The following CARM1 variants were observed in gnomAD, a reference collection of about 807,000 sequenced individuals.
CARM1 encodes histone-arginine methyltransferase CARM1.
In CARM1, 14 loss-of-function variants were observed where a neutral mutation model predicts 72.7. The ratio of observed to expected loss-of-function variants is 0.19; its 90% CI spans 0.13 to 0.30. The LOEUF (loss-of-function observed/expected upper bound fraction) is 0.30, where lower values mean the gene tolerates loss of function less well. Ranked by LOEUF, CARM1 falls within the 10% of genes least tolerant of loss-of-function variation. CARM1 has a pLI of 1.00. For synonymous variants in CARM1, 333 were observed against 345.5 expected, an observed-to-expected ratio of 0.96 and a Z score of 0.40; for missense variants, 432 against 833.7, an observed-to-expected ratio of 0.52 and a Z score of 5.93.
rs2073816827 is a variant in CARM1, at chr19:10,871,633, CGGCGGCAGCG to C, written c.-68_-59del. 10 of 156,316 alleles carry C rather than the reference CGGCGGCAGCG, an allele frequency of 6.4e-5. 2 individuals are homozygous for C. Among genetic ancestry groups the C allele is most frequent in the Non-Finnish European group, 9.4e-5 (10 of 106,386 alleles). 9.7% of individuals were successfully genotyped at this position (156,316 alleles called of 1,614,324 possible). A position where few individuals can be genotyped will look rare whatever the true frequency, so the allele number is the denominator to read the frequency against. On this transcript the variant is annotated 5_prime_UTR_variant, in exon 1 of 16. Coordinates refer to ENST00000327064, the MANE Select transcript of CARM1 (RefSeq NM_199141.2). This position sits in a 1 kb window ranked among gnomAD's most constrained non-coding sequence, Gnocchi z 5.6. ...GCGGCGGCGGCGGCGGCGGCGGCGG[CGGCGGCAGCG>C]GCGGCGGCCTGGGCCCGGGCGCAGC...
At chr19:10,913,495 G>A (rs896712931) in intron 5 of CARM1, among the ~76,000 whole-genome samples, 6 of 151,634 alleles carry the variant, frequency 4.0e-5, no homozygotes, top group African/African-American at 1.2e-4. Context: ...CCGAGATGGC[G>A]CCACTACCAC....
At chr19:10,895,447 A>G (rs1201026577) in intron 1 of CARM1, among the ~76,000 whole-genome samples, 1 of 152,234 alleles carries the variant, frequency 6.6e-6, no homozygotes, top group Non-Finnish European at 1.5e-5. Context: ...CCCCTGACCC[A>G]GGTCTAACGA....
chr19:10,885,081 A>G (rs2073931354), intron 1 of CARM1, among the ~76,000 whole-genome samples: 1 of 152,156 alleles, frequency 6.6e-6, no homozygotes, highest in African/African-American at 2.4e-5. Flanking sequence ...GCTTTTGACA[A>G]TTATGGACAC....
chr19:10,890,188 A>G (rs2073971190), intron 1 of CARM1, among the ~76,000 whole-genome samples: 1 of 151,852 alleles, frequency 6.6e-6, no homozygotes, highest in Non-Finnish European at 1.5e-5. Context: ...GGAGTTTGAG[A>G]CCAGCCTGGG....
At chr19:10,909,977 C>T (rs2074136172) in intron 4 of CARM1, among the ~76,000 whole-genome samples, 1 of 152,150 alleles carries the variant, frequency 6.6e-6, no homozygotes, top group Non-Finnish European at 1.5e-5. Context: ...TCTGTAATCC[C>T]AGCACTTTGG....
chr19:10,881,389 C>T (rs1482822296), intron 1 of CARM1, among the ~76,000 whole-genome samples: 1 of 152,172 alleles, frequency 6.6e-6, no homozygotes, highest in Non-Finnish European at 1.5e-5. Context: ...TGGAGGACAG[C>T]ACCTGATTGG....
At chr19:10,913,651 G>A (rs1433452725) in intron 5 of CARM1, among the ~76,000 whole-genome samples, 1 of 151,938 alleles carries the variant, frequency 6.6e-6, no homozygotes, top group Non-Finnish European at 1.5e-5. Context: ...CGCCTGCCTC[G>A]GCCTCCCAAA....
chr19:10,875,935 C>T (rs2073861235), intron 1 of CARM1, among the ~76,000 whole-genome samples: 2 of 149,364 alleles, frequency 1.3e-5, no homozygotes, highest in Non-Finnish European at 1.5e-5. Flanking sequence ...GGCGTGATCT[C>T]GGCTCACTGC....
chr19:10,920,895 A>T lies in CARM1; in HGVS notation c.1486A>T (p.Met496Leu), dbSNP rs776555035. 20 of 1,614,074 alleles carry T rather than the reference A, an allele frequency of 1.2e-5. No homozygotes were observed. Among genetic ancestry groups the T allele is most frequent in the Non-Finnish European group, 1.1e-5 (13 of 1,180,022 alleles). ...GSHYTSPSEN[M>L]WNTGSTYNLS... ...CCACTACACATCTCCCTCGGAAAACATGTGGAACACGGGCAGCACCTACAA... is the reference window on the plus strand; with the variant it reads ...CCACTACACATCTCCCTCGGAAAACTTGTGGAACACGGGCAGCACCTACAA... Residue 496 changes from methionine to leucine, a missense_variant, in exon 13 of 16, where the codon ATG (methionine) becomes TTG (leucine). Met to Leu is a conservative substitution (Grantham distance 15). Transcript: ENST00000327064. This position sits in a 1 kb window ranked among gnomAD's most constrained non-coding sequence, Gnocchi z 5.3.
At chr19:10,908,712 A>G (rs1315294188) in intron 3 of CARM1, 2 of 205,630 alleles carry the variant, frequency 9.7e-6, no homozygotes, top group Non-Finnish European at 2.0e-5. Flanking sequence ...ACAGAGAGAC[A>G]CCACACCTCA....
At position 10,921,853 on chromosome 19, in the gene CARM1, C is replaced by A. The variant is rs756936165; in HGVS notation, c.*96C>A. 595 of 1,218,424 alleles carry A rather than the reference C, an allele frequency of 4.9e-4. No homozygotes were observed. Among genetic ancestry groups the A allele is most frequent in the Non-Finnish European group, 6.4e-4 (559 of 874,282 alleles). 75.5% of individuals were successfully genotyped at this position (1,218,424 alleles called of 1,614,324 possible). On this transcript the variant is annotated 3_prime_UTR_variant, in exon 16 of 16. Coordinates refer to ENST00000327064, the MANE Select transcript of CARM1 (RefSeq NM_199141.2). ...CTTTCCCCCTTGTACTGGAGAAGCT[C>A]GAACACCCGGTCACAGCTCTCTTTG...
At position 10,916,847 on chromosome 19, in the gene CARM1, G is replaced by A. The variant is rs2074201003; in HGVS notation, c.1020+70G>A. The A allele has an allele frequency of 1.0e-5, 12 of 1,196,752 alleles. No homozygotes were observed. In the Admixed American group the frequency reaches 2.1e-4, roughly 21 times the overall value. 74.1% of individuals were successfully genotyped at this position (1,196,752 alleles called of 1,614,324 possible). On this transcript the variant is annotated intron_variant, in intron 8 of 15. Coordinates refer to ENST00000327064, the MANE Select transcript of CARM1 (RefSeq NM_199141.2). The surrounding 1 kb of genome is among the most constrained non-coding windows in gnomAD (Gnocchi z 4.4). Reference sequence around the variant, plus strand: ...TGCTGTGCAGCTGTGCAGCCCTCAGGAAGCTACAGCCCCTCTCTGAGCCCT... The same window carrying A: ...TGCTGTGCAGCTGTGCAGCCCTCAGAAAGCTACAGCCCCTCTCTGAGCCCT...
At chr19:10,902,640 T>C (rs890391105) in intron 1 of CARM1, among the ~76,000 whole-genome samples, 2 of 151,340 alleles carry the variant, frequency 1.3e-5, no homozygotes, top group African/African-American at 4.9e-5. Flanking sequence ...CATGCTCTTA[T>C]TCTTGTCACC....
chr19:10,907,070 C>T (rs550250617), intron 2 of CARM1, among the ~76,000 whole-genome samples: 1 of 151,278 alleles, frequency 6.6e-6, no homozygotes, highest in South Asian at 2.1e-4. Context: ...CCACCCCTGG[C>T]TAATTTCTGT....
Position 10,875,625 on chromosome 19 carries a change from C to T in CARM1, c.220+3703C>T, listed in dbSNP as rs187192923. Reference sequence around the variant, plus strand: ...ATTTTTAGTAGAGACGGGGTTTCACCGTGTTAGCCAGGATGGTCTCCATCT... The same window carrying T: ...ATTTTTAGTAGAGACGGGGTTTCACTGTGTTAGCCAGGATGGTCTCCATCT... On this transcript the variant is annotated intron_variant, in intron 1 of 15. Transcript: ENST00000327064. Among the ~76,000 whole-genome samples the T allele has an allele frequency of 6.9e-3, 1,049 of 152,138 alleles. 8 individuals carry two copies. The highest frequency in any genetic ancestry group is 0.023 in the African/African-American group (951 of 41,502).
intron 1 of CARM1, among the ~76,000 whole-genome samples, chr19:10,890,451 A>G (rs548172701): frequency 3.2e-4 from 48 of 151,432 alleles, no homozygotes; most frequent in African/African-American, 1.1e-3. Context: ...TATTTTTAGT[A>G]GAGATGGGGT....
At chr19:10,902,080 C>T (rs951674772) in intron 1 of CARM1, among the ~76,000 whole-genome samples, 5 of 151,872 alleles carry the variant, frequency 3.3e-5, no homozygotes, top group East Asian at 1.9e-4. Flanking sequence ...TCCATCTCTA[C>T]GAAAACTACA....
chr19:10,921,540 T>TTCTCTC (rs2074250062), intron 15 of CARM1, 75 bp from the exon 16 acceptor site: 25 of 1,566,940 alleles, frequency 1.6e-5, no homozygotes, highest in Non-Finnish European at 2.2e-5. Flanking sequence ...TGCCTGCCCT[T>TTCTCTC]TCTCTCTCTC....
intron 2 of CARM1, 110 bp from the exon 3 acceptor site, chr19:10,907,929 A>G (rs527452389): frequency 5.8e-6 from 4 of 688,706 alleles, no homozygotes; most frequent in African/African-American, 5.3e-5. Context: ...CCAGCCCTGT[A>G]TGTTCAAGGG....
Sources: gnomAD v4.1 joint callset for allele counts (sites outside exome capture counted in the v4.1 genomes callset) on GRCh38, gnomAD v4.1.1 for gene constraint, Gnocchi (gnomAD v3.1) non-coding constraint, MANE v1.5 for transcripts, NCBI Gene and HGNC (gene_info 2026-07-23, HGNC 2026-07-21) for gene names.